The following SLC1A1 variants were observed in gnomAD, a reference collection of about 807,000 sequenced individuals.
The protein encoded by SLC1A1 is excitatory amino acid transporter 3.
SLC1A1 carries 43 observed loss-of-function variants against 53.3 expected under a neutral mutation model. That is an observed-to-expected ratio of 0.81 (90% CI 0.63 to 1.04). SLC1A1 has a LOEUF of 1.04. SLC1A1 is among the 50% of genes least tolerant of loss of function. The probability of loss-of-function intolerance (pLI) is 0.00; values close to 1 mark genes in which losing one functional copy is unlikely to be tolerated. For missense variants in SLC1A1, 748 were observed against 664.9 expected (o/e 1.12, Z -1.37); for synonymous variants, 307 against 243.2 (o/e 1.26, Z -2.44).
In SLC1A1 at chr9:4,561,450, T is replaced by A; in HGVS notation, c.234T>A (p.Gly78=). ...ATTTGATTTCTGTCTCCCCTTCAGG[T>A]GTTGCTGCACTGGATTCCAACGTAT... ...LPLIISSMIT[G]VAALDSNVSG... Residue 78 remains glycine, a splice_region_variant and synonymous_variant, in exon 3 of 12, where the codon GGT becomes GGA. Coordinates refer to ENST00000262352, the MANE Select transcript of SLC1A1 (RefSeq NM_004170.6). The A allele has an allele frequency of 6.3e-7, 1 of 1,578,456 alleles. No homozygotes were observed. The highest frequency in any genetic ancestry group is 1.1e-5 in the South Asian group (1 of 90,338).
Position 4,490,491 on chromosome 9 carries a change from C to T in SLC1A1, c.-189C>T. 2.7e-6 allele frequency: 1 copy of T among 375,610 alleles called. No homozygotes were observed. Among genetic ancestry groups the T allele is most frequent in the Non-Finnish European group, 4.8e-6 (1 of 210,464 alleles). The allele number at this position is 375,610 out of a possible 1,614,324, so 23.3% of individuals were successfully genotyped here. A position where few individuals can be genotyped will look rare whatever the true frequency, so the allele number is the denominator to read the frequency against. On this transcript the variant is annotated 5_prime_UTR_variant, in exon 1 of 12. Transcript: ENST00000262352. ...ACGCAAAACTACCGGGCTGGCAGGG[C>T]GGCGGGCGCGGTGCGCGATCCCGGG...
chr9:4,502,937 A>G (rs1413104720), intron 1 of SLC1A1, among the ~76,000 whole-genome samples: 1 of 151,532 alleles, frequency 6.6e-6, no homozygotes, highest in African/African-American at 2.4e-5. Flanking sequence ...CTTGAATTCT[A>G]GTGAAACTCA....
intron 1 of SLC1A1, among the ~76,000 whole-genome samples, chr9:4,502,160 A>T (rs1395858035): frequency 6.6e-6 from 1 of 151,420 alleles, no homozygotes; most frequent in East Asian, 1.9e-4. Context: ...GCCAAGGCAT[A>T]CAGATGGCTT....
intron 1 of SLC1A1, among the ~76,000 whole-genome samples, chr9:4,499,331 C>G (rs1453125456): frequency 5.3e-5 from 8 of 152,126 alleles, no homozygotes. Flanking sequence ...AGGCATGAGT[C>G]ACGGGGCCCA....
At chr9:4,499,583 A>T (rs1820566006) in intron 1 of SLC1A1, among the ~76,000 whole-genome samples, 1 of 68,336 alleles carries the variant, frequency 1.5e-5, no homozygotes, top group Non-Finnish European at 3.0e-5. Context: ...GTCTATCAAA[A>T]CTCCAACAAA....
intron 1 of SLC1A1, among the ~76,000 whole-genome samples, chr9:4,535,318 A>AGCC (rs1469824388): frequency 1.3e-5 from 2 of 152,202 alleles, no homozygotes; most frequent in African/African-American, 4.8e-5. Context: ...CCATTGTCTC[A>AGCC]GCCCAAAATC....
At chr9:4,575,931 T>C (rs1382399874) in intron 8 of SLC1A1, 70 bp from the exon 9 acceptor site, 3 of 1,560,886 alleles carry the variant, frequency 1.9e-6, no homozygotes, top group Admixed American at 1.7e-5. Context: ...AAAAAGATGT[T>C]TGATAAAAGG....
In SLC1A1 at chr9:4,576,559, T is replaced by C. The variant is rs1265705899; in HGVS notation, c.999-10T>C. On this transcript the variant is annotated splice_polypyrimidine_tract_variant and intron_variant, in intron 9 of 11. Coordinates refer to ENST00000262352, the MANE Select transcript of SLC1A1 (RefSeq NM_004170.6). The stretch of plus-strand genomic sequence containing the variant: ...CTAGACATAAGTTCCTTTCTATTTT[T>C]ATCACACAGTTCAGCAACACTGCCT... 1.2e-6 allele frequency: 2 copies of C among 1,612,486 alleles called. No homozygotes were observed. Among genetic ancestry groups the C allele is most frequent in the Non-Finnish European group, 1.7e-6 (2 of 1,178,554 alleles).
chr9:4,534,377 G>A (rs1586722388), intron 1 of SLC1A1, among the ~76,000 whole-genome samples: 1 of 152,076 alleles, frequency 6.6e-6, no homozygotes, highest in African/African-American at 2.4e-5. Context: ...TGATAAAGGG[G>A]ATATCACCAC....
intron 1 of SLC1A1, among the ~76,000 whole-genome samples, chr9:4,533,540 A>G (rs1334207575): frequency 7.9e-5 from 12 of 152,226 alleles, no homozygotes; most frequent in Non-Finnish European, 1.3e-4. Flanking sequence ...TGCACCCAAT[A>G]CAGGAGCACC....
intron 1 of SLC1A1, among the ~76,000 whole-genome samples, chr9:4,495,409 T>C (rs1232477223): frequency 6.6e-6 from 1 of 152,056 alleles, no homozygotes. Flanking sequence ...TAGAGAGAGG[T>C]AGACCATAAA....
At position 4,583,994 on chromosome 9, in the gene SLC1A1, GC is replaced by G. The variant is rs1211996144; in HGVS notation, c.1328+823del. On this transcript the variant is annotated intron_variant, in intron 11 of 11. Coordinates refer to ENST00000262352, the MANE Select transcript of SLC1A1 (RefSeq NM_004170.6). This position sits in a 1 kb window ranked among gnomAD's most constrained non-coding sequence, Gnocchi z 4.6. Reference sequence around the variant, plus strand: ...AAAGTTAGAACCAGCCTGGCTCCAAGCTTTACCCTTGATGCCCACTTCTGTG... The same window carrying G: ...AAAGTTAGAACCAGCCTGGCTCCAAGTTTACCCTTGATGCCCACTTCTGTG... 1.3e-5 allele frequency among the ~76,000 whole-genome samples: 2 copies of G among 151,976 alleles called. No homozygotes were observed. Among genetic ancestry groups the G allele is most frequent in the African/African-American group, 4.8e-5 (2 of 41,356 alleles).
At chr9:4,530,113 T>G (rs1586717645) in intron 1 of SLC1A1, among the ~76,000 whole-genome samples, 1 of 152,300 alleles carries the variant, frequency 6.6e-6, no homozygotes, top group Admixed American at 6.5e-5. Flanking sequence ...TTTCTCTTAT[T>G]TTTATTTGGG....
At chr9:4,505,832 C>CT (rs913734570) in intron 1 of SLC1A1, among the ~76,000 whole-genome samples, 14 of 151,606 alleles carry the variant, frequency 9.2e-5, no homozygotes, top group Non-Finnish European at 1.9e-4. Context: ...AATTTTTGTA[C>CT]TTTTAGTTTT....
intron 6 of SLC1A1, among the ~76,000 whole-genome samples, chr9:4,570,499 C>A (rs62543870): frequency 6.6e-6 from 1 of 151,418 alleles, no homozygotes; most frequent in African/African-American, 2.4e-5. Flanking sequence ...GCCTCCCAAG[C>A]AGCTGGGATT....
intron 1 of SLC1A1, among the ~76,000 whole-genome samples, chr9:4,507,749 T>C (rs1373180673): frequency 6.6e-6 from 1 of 152,116 alleles, no homozygotes; most frequent in Non-Finnish European, 1.5e-5. Context: ...AGTTCCAGGC[T>C]TGTGGCAGGT....
At position 4,566,694 on chromosome 9, in the gene SLC1A1, A is replaced by ATT. The variant is rs962477183; in HGVS notation, c.483+607_483+608dup. Among the ~76,000 whole-genome samples, 118 of 152,050 alleles carry ATT rather than the reference A, an allele frequency of 7.8e-4. 1 individual carries two copies. In the East Asian group the frequency reaches 0.016, roughly 20 times the overall value. On this transcript the variant is annotated intron_variant, in intron 5 of 11. Coordinates refer to ENST00000262352, the MANE Select transcript of SLC1A1 (RefSeq NM_004170.6). ...AAGACCATGTCTCTAAAAAGAAATA[A>ATT]TTTAAAAAAAAATATAAAAAATCGT... is the stretch of plus-strand genomic sequence containing the variant.
intron 1 of SLC1A1, among the ~76,000 whole-genome samples, chr9:4,527,574 C>T (rs1586714846): frequency 6.6e-6 from 1 of 152,134 alleles, no homozygotes; most frequent in Admixed American, 6.5e-5. Context: ...TATACCTTCT[C>T]TTAGAGCACA....
intron 1 of SLC1A1, among the ~76,000 whole-genome samples, chr9:4,516,926 A>G (rs1019001076): frequency 6.6e-6 from 1 of 152,150 alleles, no homozygotes; most frequent in Non-Finnish European, 1.5e-5. Context: ...GCACCAGCCA[A>G]ACTACTGACT....
Sources: allele counts gnomAD v4.1 joint callset (sites outside exome capture counted in the v4.1 genomes callset), GRCh38; gene constraint gnomAD v4.1.1; non-coding constraint Gnocchi (gnomAD v3.1); transcripts MANE v1.5; gene names NCBI Gene and HGNC (gene_info 2026-07-23, HGNC 2026-07-21).